The following PTPRS variants were observed in gnomAD, a reference collection of about 807,000 sequenced individuals.
The protein encoded by PTPRS is protein tyrosine phosphatase receptor type S.
Under a neutral mutation model 215.3 loss-of-function variants are expected in PTPRS, and 63 were observed. The observed-to-expected ratio is 0.29, with a 90% CI of 0.24 to 0.36. PTPRS has a LOEUF of 0.36. Ranked by LOEUF, PTPRS falls within the 10% of genes least tolerant of loss-of-function variation. The probability of loss-of-function intolerance (pLI) is 1.00; values close to 1 mark genes in which losing one functional copy is unlikely to be tolerated. For synonymous variants in PTPRS, 1,404 were observed against 1,191.4 expected, an observed-to-expected ratio of 1.18 and a Z score of -3.68; for missense variants, 2,258 against 2,825.8, an observed-to-expected ratio of 0.80 and a Z score of 4.56.
intron 1 of PTPRS, among the ~76,000 whole-genome samples, chr19:5,326,220 GA>G (rs1249524316): frequency 6.6e-6 from 1 of 152,092 alleles, no homozygotes; most frequent in Non-Finnish European, 1.5e-5. Flanking sequence ...GACAGAGTGA[GA>G]CTCCATCTCA....
rs919119058 is a variant in PTPRS, at chr19:5,240,062, G to A, written c.1704+137C>T. On this transcript the variant is annotated intron_variant, in intron 12 of 37. Transcript: ENST00000262963. ...AAGGCACAAAGGGACAGAGACGCAG[G>A]AGAAGCAGAAGGGGTGAGGAAGAGC... The A allele has an allele frequency of 4.7e-6, 5 of 1,060,204 alleles. No individual in the cohort carries two copies. In the African/African-American group the frequency reaches 6.6e-5, roughly 14 times the overall value. The allele number at this position is 1,060,204 out of a possible 1,614,324, so 65.7% of individuals were successfully genotyped here. A position where few individuals can be genotyped will look rare whatever the true frequency, so the allele number is the denominator to read the frequency against.
intron 1 of PTPRS, among the ~76,000 whole-genome samples, chr19:5,307,864 T>C (rs2049550502): frequency 1.3e-5 from 2 of 152,202 alleles, no homozygotes; most frequent in Non-Finnish European, 2.9e-5. Context: ...AAATAAAGCT[T>C]TATTGGCACA....
rs376767464 is a variant in PTPRS, at chr19:5,220,083, G to T, written c.3621C>A (p.Pro1207=). 3.1e-6 allele frequency: 5 copies of T among 1,613,782 alleles called. No homozygotes were observed. In the South Asian group the frequency reaches 4.4e-5, roughly 14 times the overall value. The change falls in exon 22 of 38, where the codon CCC becomes CCA. Residue 1207 remains proline, a synonymous_variant. Transcript: ENST00000262963. The part of the protein sequence containing the change: ...RHSRQLEVPR[P]YIAARFSVLP... ...GCACAGAGAAGCGAGCTGCAATATA[G>T]GGCCGGGGCACCTCCAGCTGACGCG...
At chr19:5,289,438 C>G (rs551326043) in intron 1 of PTPRS, among the ~76,000 whole-genome samples, 15 of 152,336 alleles carry the variant, frequency 9.8e-5, no homozygotes, top group South Asian at 2.1e-4. Context: ...CAGAAAGCAT[C>G]TGCAAGCACC....
intron 1 of PTPRS, among the ~76,000 whole-genome samples, chr19:5,302,556 C>T (rs1849427365): frequency 6.6e-6 from 1 of 152,182 alleles, no homozygotes; most frequent in Admixed American, 6.5e-5. Flanking sequence ...CTGTTGCGAA[C>T]ACCAGCAGCC....
intron 1 of PTPRS, among the ~76,000 whole-genome samples, chr19:5,315,635 G>A (rs993011987): frequency 1.3e-5 from 2 of 150,544 alleles, no homozygotes; most frequent in African/African-American, 4.9e-5. Flanking sequence ...GAGTAGCTGG[G>A]ACAATAGGCA....
In PTPRS at chr19:5,295,282, T is replaced by C. The variant is rs1364516283; in HGVS notation, c.-94-9048A>G. ...GACCTGCAGCATACAGGCCTGGCTC[T>C]GGGCTGCCCAGGACTCGGGACGGCA... On this transcript the variant is annotated intron_variant, in intron 1 of 37. Coordinates refer to ENST00000262963, the MANE Select transcript of PTPRS (RefSeq NM_002850.4). This position sits in a 1 kb window ranked among gnomAD's most constrained non-coding sequence, Gnocchi z 4.6. 6.6e-6 allele frequency among the ~76,000 whole-genome samples: 1 copy of C among 152,346 alleles called. No homozygotes were observed. The highest frequency in any genetic ancestry group is 1.9e-4 in the East Asian group (1 of 5,180).
chr19:5,207,931 C>T lies in PTPRS; in HGVS notation c.5769G>A (p.Val1923=). The change falls in exon 37 of 38, where the codon GTG becomes GTA. Residue 1923 remains valine (V), a synonymous_variant. Transcript: ENST00000262963. ...KMLRTQRPAM[V]QTEDEYQFCY... is the part of the protein sequence containing the mutation. The stretch of plus-strand genomic sequence containing the variant: ...CCTGTCCCATCTTTACCTCTGTCTG[C>T]ACCATGGCCGGCCGCTGGGTTCGTA... 1 of 1,613,752 alleles carries T rather than the reference C, an allele frequency of 6.2e-7. No homozygotes were observed. The highest frequency in any genetic ancestry group is 8.5e-7 in the Non-Finnish European group (1 of 1,179,936).
chr19:5,239,791 T>C (rs766435521), intron 12 of PTPRS, among the ~76,000 whole-genome samples: 1 of 142,640 alleles, frequency 7.0e-6, no homozygotes, highest in African/African-American at 2.6e-5. Context: ...CAGAGACAGA[T>C]GGAGACAGAA....
rs756926448 is a variant in PTPRS at position 5,210,778 on chromosome 19, C to T, written c.5262G>A (p.Gln1754=). ...CTTCCGTGGTCTCCGCCAGCGGCCC[C>T]TGTGTCGCGATGTAGGCCTTCTGCT... ...YRQQKAYIAT[Q]GPLAETTEDF... Residue 1754 remains glutamine (Q), a synonymous_variant, in exon 34 of 38, where the codon CAG becomes CAA. Coordinates refer to ENST00000262963, the MANE Select transcript of PTPRS (RefSeq NM_002850.4). This position sits in a 1 kb window ranked among gnomAD's most constrained non-coding sequence, Gnocchi z 4.5. 1.2e-6 allele frequency: 2 copies of T among 1,614,080 alleles called. No individual in the cohort carries two copies. The highest frequency in any genetic ancestry group is 1.7e-6 in the Non-Finnish European group (2 of 1,180,042).
At chr19:5,267,944 T>C (rs773309012) in intron 4 of PTPRS, among the ~76,000 whole-genome samples, 1 of 151,892 alleles carries the variant, frequency 6.6e-6, no homozygotes, top group Admixed American at 6.6e-5. Flanking sequence ...CCGAGGCAGG[T>C]GGATCACGAG....
intron 1 of PTPRS, among the ~76,000 whole-genome samples, chr19:5,337,308 G>A (rs1015599511): frequency 2.6e-5 from 4 of 152,128 alleles, no homozygotes; most frequent in Admixed American, 6.5e-5. Context: ...CTTCCCCCAC[G>A]CACACGGCGG....
chr19:5,270,276 C>A (rs965466566), intron 4 of PTPRS, among the ~76,000 whole-genome samples: 4 of 151,620 alleles, frequency 2.6e-5, no homozygotes, highest in African/African-American at 7.3e-5. Context: ...GAGCTTTTAT[C>A]TTTTCTTCCC....
At chr19:5,238,767 TG>T in intron 13 of PTPRS, 151 bp downstream of exon 13, 1 of 1,113,278 alleles carries the variant, frequency 9.0e-7, no homozygotes, top group Non-Finnish European at 1.2e-6. Flanking sequence ...CGCGGGTAGA[TG>T]GATCCGAGGT....
chr19:5,260,176 G>C lies in PTPRS; in HGVS notation c.595+629C>G, dbSNP rs369925799. Among the ~76,000 whole-genome samples, 61 of 145,550 alleles carry C rather than the reference G, an allele frequency of 4.2e-4. 1 individual carries two copies. Among genetic ancestry groups the C allele is most frequent in the African/African-American group, 1.2e-3 (46 of 39,550 alleles). On this transcript the variant is annotated intron_variant, in intron 7 of 37. Transcript: ENST00000262963. ...AAGGCCCACTTTGCATGTTCGTTTT[G>C]TTTCTTTTTTTTTTTTTTTTTGAGG...
At chr19:5,220,691 ACT>A (rs938263755) in intron 20 of PTPRS, among the ~76,000 whole-genome samples, 1 of 151,774 alleles carries the variant, frequency 6.6e-6, no homozygotes, top group African/African-American at 2.4e-5. Flanking sequence ...CCCACTGGGG[ACT>A]CTCAGCTTTG....
At chr19:5,337,794 A>G (rs1193810865) in intron 1 of PTPRS, among the ~76,000 whole-genome samples, 2 of 152,206 alleles carry the variant, frequency 1.3e-5, no homozygotes, top group African/African-American at 4.8e-5. Context: ...AAATTGGGGG[A>G]AAATGGACTT....
In PTPRS at chr19:5,338,029, A is replaced by T. The variant is rs2050561531; in HGVS notation, c.-95+2635T>A. On this transcript the variant is annotated intron_variant, in intron 1 of 37. Transcript: ENST00000262963. This position sits in a 1 kb window ranked among gnomAD's most constrained non-coding sequence, Gnocchi z 4.2. ...CTGGAGAGGGGGAAATCGTCCCCGG[A>T]GCTGACCTGCCAACCAGTAGCACCC... Among the ~76,000 whole-genome samples, 1 of 152,004 alleles carries T rather than the reference A, an allele frequency of 6.6e-6. No homozygotes were observed. The highest frequency in any genetic ancestry group is 2.4e-5 in the African/African-American group (1 of 41,398).
chr19:5,308,948 G>A (rs551421028), intron 1 of PTPRS, among the ~76,000 whole-genome samples: 1 of 152,282 alleles, frequency 6.6e-6, no homozygotes, highest in Admixed American at 6.5e-5. Context: ...CACGGGTGGG[G>A]TACGGGGCAG....
Sources: allele counts gnomAD v4.1 joint callset (sites outside exome capture counted in the v4.1 genomes callset), GRCh38; gene constraint gnomAD v4.1.1; non-coding constraint Gnocchi (gnomAD v3.1); transcripts MANE v1.5; gene names NCBI Gene and HGNC (gene_info 2026-07-23, HGNC 2026-07-21).